MCPH1: variants seen among roughly 807,000 people sequenced by gnomAD.
MCPH1 encodes the protein microcephalin 1, also known as microcephalin.
A neutral mutation model predicts 84.5 loss-of-function variants in MCPH1; 104 were observed. That is an observed-to-expected ratio of 1.23 (90% CI 1.05 to 1.45). The LOEUF is 1.45. Ranked by LOEUF, MCPH1 falls within the 40% of genes most tolerant of loss-of-function variation. MCPH1 has a pLI of 0.00. For synonymous variants in MCPH1, 514 were observed against 366.8 expected (o/e 1.40, Z -4.58); for missense variants, 1,498 against 1,005.7 (o/e 1.49, Z -6.62).
intron 12 of MCPH1, among the ~76,000 whole-genome samples, chr8:6,588,072 C>T (rs1364413962): frequency 2.0e-5 from 3 of 152,112 alleles, no homozygotes; most frequent in Non-Finnish European, 2.9e-5. Context: ...GCCAAGTGAG[C>T]GTATATGGGG....
chr8:6,526,148 G>C (rs888942375), intron 12 of MCPH1, among the ~76,000 whole-genome samples: 5 of 151,638 alleles, frequency 3.3e-5, no homozygotes, highest in African/African-American at 9.7e-5. Flanking sequence ...CGCCAGGTAC[G>C]GTGGCTCATG....
At chr8:6,407,401 C>T (rs1427867713) in intron 1 of MCPH1, among the ~76,000 whole-genome samples, 1 of 152,096 alleles carries the variant, frequency 6.6e-6, no homozygotes, top group South Asian at 2.1e-4. Context: ...GTGACTCTCC[C>T]TGTGTGTGGC....
chr8:6,538,692 G>A (rs1801083041), intron 12 of MCPH1, among the ~76,000 whole-genome samples: 1 of 152,120 alleles, frequency 6.6e-6, no homozygotes, highest in South Asian at 2.1e-4. Context: ...GTTTCCTTTT[G>A]ATATCAAAAC....
Position 6,634,762 on chromosome 8 carries a change from G to A in MCPH1, c.2453-8232G>A, listed in dbSNP as rs763188222. On this transcript the variant is annotated intron_variant, in intron 13 of 13. Coordinates refer to ENST00000344683, the MANE Select transcript of MCPH1 (RefSeq NM_024596.5). ...TGACTACTGTTCTGCTCATCCTCCAGCTGAAATTCTCATCAAAGATAATAT... is the reference window on the plus strand; with the variant it reads ...TGACTACTGTTCTGCTCATCCTCCAACTGAAATTCTCATCAAAGATAATAT... The A allele has an allele frequency of 2.0e-5, 3 of 152,286 alleles. No homozygotes were observed. In the South Asian group the frequency reaches 6.2e-4, roughly 32 times the overall value. The allele number at this position is 152,286 out of a possible 1,614,324, so 9.4% of individuals were successfully genotyped here.
rs930116626 is a variant in MCPH1, at chr8:6,500,096, C to T, written c.2214+167C>T. The T allele has an allele frequency of 2.6e-4, 171 of 656,658 alleles. 2 individuals are homozygous for T. Among genetic ancestry groups the T allele is most frequent in the Non-Finnish European group, 3.3e-5 (12 of 367,552 alleles). The allele number at this position is 656,658 out of a possible 1,614,324, so 40.7% of individuals were successfully genotyped here. On this transcript the variant is annotated intron_variant, in intron 12 of 13. Transcript: ENST00000344683. ...CCTTTTATCAATTTATTCGCGAGAACAAATGTGAGAACGTGAGACCATTGT... is the reference window on the plus strand; with the variant it reads ...CCTTTTATCAATTTATTCGCGAGAATAAATGTGAGAACGTGAGACCATTGT...
intron 11 of MCPH1, among the ~76,000 whole-genome samples, 177 bp downstream of exon 11, chr8:6,481,053 T>C (rs754659163): frequency 4.6e-5 from 7 of 152,174 alleles, no homozygotes; most frequent in Non-Finnish European, 8.8e-5. Flanking sequence ...CTGCTACCCT[T>C]CAACCAGGGC....
chr8:6,536,279 G>C (rs142625847), intron 12 of MCPH1, among the ~76,000 whole-genome samples: 3 of 152,188 alleles, frequency 2.0e-5, no homozygotes, highest in Non-Finnish European at 2.9e-5. Flanking sequence ...TGCTGTATGG[G>C]AATCGCTGTG....
intron 12 of MCPH1, among the ~76,000 whole-genome samples, chr8:6,585,598 C>G (rs1193933717): frequency 6.6e-6 from 1 of 152,220 alleles, no homozygotes; most frequent in African/African-American, 2.4e-5. Flanking sequence ...TTGTTTTTCC[C>G]TCTACTGAAA....
chr8:6,496,665 A>G (rs1459078451), intron 11 of MCPH1, among the ~76,000 whole-genome samples: 1 of 152,158 alleles, frequency 6.6e-6, no homozygotes, highest in Non-Finnish European at 1.5e-5. Flanking sequence ...CTATTTAGAA[A>G]TTTGGAATAA....
intron 12 of MCPH1, among the ~76,000 whole-genome samples, chr8:6,550,180 G>A (rs967297624): frequency 4.6e-5 from 7 of 152,230 alleles, no homozygotes; most frequent in Non-Finnish European, 1.0e-4. Flanking sequence ...CCCTCGCCTG[G>A]CGTCGGCTCC....
intron 12 of MCPH1, among the ~76,000 whole-genome samples, chr8:6,603,402 C>G (rs1829522101): frequency 6.6e-6 from 1 of 152,144 alleles, no homozygotes; most frequent in South Asian, 2.1e-4. Flanking sequence ...TTCAATGTGT[C>G]AAAATCATCA....
Position 6,647,090 on chromosome 8 carries a change from C to G in MCPH1, c.*4041C>G, listed in dbSNP as rs933355142. On this transcript the variant is annotated 3_prime_UTR_variant, in exon 14 of 14. Coordinates refer to ENST00000344683, the MANE Select transcript of MCPH1 (RefSeq NM_024596.5). ...ACTTGTACCCAGACCATGTAAAGAA[C>G]TCATAACTCATTAATAAAAGGATAA... 3.3e-5 allele frequency: 5 copies of G among 151,564 alleles called. No homozygotes were observed. Among genetic ancestry groups the G allele is most frequent in the African/African-American group, 1.2e-4 (5 of 41,196 alleles). 9.4% of individuals were successfully genotyped at this position (151,564 alleles called of 1,614,324 possible).
chr8:6,416,920 G>A (rs9692902), intron 3 of MCPH1, among the ~76,000 whole-genome samples: 4 of 151,674 alleles, frequency 2.6e-5, no homozygotes, highest in African/African-American at 9.7e-5. Context: ...CTTGAACCTG[G>A]GAGACGGAGG....
chr8:6,541,097 G>A (rs1267803630), intron 12 of MCPH1, among the ~76,000 whole-genome samples: 1 of 152,230 alleles, frequency 6.6e-6, no homozygotes, highest in East Asian at 1.9e-4. Flanking sequence ...TGGCCTGGGG[G>A]TTTGTGGGAA....
chr8:6,508,861 A>C (rs1814340375), intron 12 of MCPH1: 5 of 1,604,422 alleles, frequency 3.1e-6, no homozygotes, highest in Non-Finnish European at 3.4e-6. Flanking sequence ...TTGTAGTCCA[A>C]ATTGCCAGCC....
intron 12 of MCPH1, among the ~76,000 whole-genome samples, chr8:6,533,403 C>T (rs1339054868): frequency 6.6e-6 from 1 of 152,108 alleles, no homozygotes; most frequent in Non-Finnish European, 1.5e-5. Flanking sequence ...CTGCCCTCTG[C>T]TTTATAGTCT....
intron 12 of MCPH1, among the ~76,000 whole-genome samples, chr8:6,531,661 G>A (rs1189488778): frequency 6.6e-6 from 1 of 152,198 alleles, no homozygotes; most frequent in Non-Finnish European, 1.5e-5. Flanking sequence ...ACAGTGGAAA[G>A]AGAACTTAGC....
chr8:6,527,698 T>A, intron 12 of MCPH1: 1 of 1,576,398 alleles, frequency 6.3e-7, no homozygotes, highest in Non-Finnish European at 8.6e-7. Context: ...AAAATGAAGT[T>A]CCTATTAATT....
At chr8:6,415,636 G>C (rs1799169546) in intron 3 of MCPH1, among the ~76,000 whole-genome samples, 1 of 152,164 alleles carries the variant, frequency 6.6e-6, no homozygotes, top group Non-Finnish European at 1.5e-5. Context: ...TTACAGGTGT[G>C]AGCCACCGTG....
Sources: allele counts gnomAD v4.1 joint callset (sites outside exome capture counted in the v4.1 genomes callset), GRCh38; gene constraint gnomAD v4.1.1; transcripts MANE v1.5; gene names NCBI Gene and HGNC (gene_info 2026-07-23, HGNC 2026-07-21).